MSRA: variants seen among roughly 807,000 people sequenced by gnomAD.
MSRA encodes the protein methionine sulfoxide reductase A.
In MSRA, 54 loss-of-function variants were observed where a neutral mutation model predicts 31.3. That is an observed-to-expected ratio of 1.73 (90% CI 1.39 to 2.17). The LOEUF (loss-of-function observed/expected upper bound fraction) is 2.17. Among genes scored for constraint, MSRA ranks in the 30% most tolerant of loss-of-function variants. The pLI is 0.00. For synonymous variants in MSRA, 169 were observed against 116.5 expected, an observed-to-expected ratio of 1.45 and a Z score of -2.90; for missense variants, 507 against 300.9, an observed-to-expected ratio of 1.69 and a Z score of -5.07.
At chr8:10,424,022 T>C (rs1808975904) in intron 5 of MSRA, among the ~76,000 whole-genome samples, 1 of 152,200 alleles carries the variant, frequency 6.6e-6, no homozygotes, top group Admixed American at 6.5e-5. Flanking sequence ...AGAAGGGTTT[T>C]TGTAATGCAG....
chr8:10,256,278 C>T (rs1798174491), intron 3 of MSRA, among the ~76,000 whole-genome samples: 1 of 152,130 alleles, frequency 6.6e-6, no homozygotes, highest in Non-Finnish European at 1.5e-5. Context: ...AAGTTTCCAC[C>T]CTGTCTTTTC....
At chr8:10,424,580 C>G (rs1336730718) in intron 5 of MSRA, among the ~76,000 whole-genome samples, 1 of 148,532 alleles carries the variant, frequency 6.7e-6, no homozygotes, top group Non-Finnish European at 1.5e-5. Flanking sequence ...GGAGAAGGGC[C>G]TGGGGTGGAG....
intron 1 of MSRA, among the ~76,000 whole-genome samples, chr8:10,126,215 A>T (rs1801484669): frequency 6.6e-6 from 1 of 152,258 alleles, no homozygotes; most frequent in African/African-American, 2.4e-5. Context: ...TTGAAGCCAG[A>T]CAACGTGAAA....
chr8:10,142,078 A>G (rs1257540464), intron 1 of MSRA, among the ~76,000 whole-genome samples: 3 of 152,060 alleles, frequency 2.0e-5, no homozygotes, highest in Non-Finnish European at 4.4e-5. Flanking sequence ...CCTGTCTCAG[A>G]CTGCCGAGTA....
At chr8:10,208,082 A>G (rs1440396781) in intron 2 of MSRA, among the ~76,000 whole-genome samples, 181 bp downstream of exon 2, 4 of 152,210 alleles carry the variant, frequency 2.6e-5, no homozygotes, top group Non-Finnish European at 4.4e-5. Context: ...AGCTTATTCT[A>G]TAGAATTTAG....
At chr8:10,272,152 T>A (rs1381371194) in intron 3 of MSRA, among the ~76,000 whole-genome samples, 1 of 152,234 alleles carries the variant, frequency 6.6e-6, no homozygotes, top group Non-Finnish European at 1.5e-5. Flanking sequence ...TCCCTTCACT[T>A]TGTTCTTTGT....
At chr8:10,069,563 C>T (rs1411904349) in intron 1 of MSRA, among the ~76,000 whole-genome samples, 2 of 152,240 alleles carry the variant, frequency 1.3e-5, no homozygotes, top group Non-Finnish European at 2.9e-5. Flanking sequence ...CTGTTCTCTG[C>T]TTCAAAGATG....
intron 2 of MSRA, among the ~76,000 whole-genome samples, chr8:10,213,162 A>C (rs1316114097): frequency 6.6e-6 from 1 of 152,098 alleles, no homozygotes; most frequent in East Asian, 1.9e-4. Context: ...TTTTGCATCC[A>C]TTAACGATCC....
At chr8:10,056,843 G>C (rs374230869) in intron 1 of MSRA, among the ~76,000 whole-genome samples, 9 of 152,092 alleles carry the variant, frequency 5.9e-5, no homozygotes, top group Admixed American at 5.2e-4. Flanking sequence ...ATCCATGTCT[G>C]TTCTTATTTG....
intron 1 of MSRA, among the ~76,000 whole-genome samples, chr8:10,163,875 C>T (rs948676693): frequency 1.3e-5 from 2 of 152,222 alleles, no homozygotes; most frequent in African/African-American, 4.8e-5. Context: ...TTGCCCCAGT[C>T]GGCATTGTCG....
At chr8:10,383,213 G>C (rs143036961) in intron 5 of MSRA, among the ~76,000 whole-genome samples, 1 of 152,212 alleles carries the variant, frequency 6.6e-6, no homozygotes, top group Non-Finnish European at 1.5e-5. Context: ...AGAGGGCAAT[G>C]TGCAGGCTTC....
chr8:10,087,148 G>T (rs1417747243), intron 1 of MSRA, among the ~76,000 whole-genome samples: 1 of 152,158 alleles, frequency 6.6e-6, no homozygotes, highest in East Asian at 1.9e-4. Flanking sequence ...TAAACATCTT[G>T]AGGGTTGGAG....
intron 1 of MSRA, among the ~76,000 whole-genome samples, chr8:10,159,185 T>A (rs140959341): frequency 3.5e-4 from 53 of 152,228 alleles, no homozygotes; most frequent in Non-Finnish European, 6.6e-4. Context: ...TCCGTAAGAA[T>A]TTGTGATTGG....
intron 2 of MSRA, among the ~76,000 whole-genome samples, chr8:10,212,509 C>A (rs913807102): frequency 2.0e-5 from 3 of 152,160 alleles, no homozygotes; most frequent in South Asian, 2.1e-4. Context: ...CACATCCACA[C>A]TAGTAGTTAC....
intron 5 of MSRA, among the ~76,000 whole-genome samples, chr8:10,324,485 G>T (rs1330923791): frequency 6.6e-6 from 1 of 152,156 alleles, no homozygotes; most frequent in Non-Finnish European, 1.5e-5. Flanking sequence ...GCTGCACCGG[G>T]AGCTGCTCTC....
intron 3 of MSRA, among the ~76,000 whole-genome samples, chr8:10,281,190 G>GA (rs1242320021): frequency 1.3e-5 from 2 of 152,130 alleles, no homozygotes; most frequent in African/African-American, 4.8e-5. Flanking sequence ...TGTTACCAGA[G>GA]AAAAAAGCAT....
rs541559211 is a variant in MSRA at position 10,278,909 on chromosome 8, C to T, written c.332-22625C>T. Among the ~76,000 whole-genome samples, 10 of 152,266 alleles carry T rather than the reference C, an allele frequency of 6.6e-5. No individual in the cohort carries two copies. In the East Asian group the frequency reaches 1.7e-3, roughly 26 times the overall value. On this transcript the variant is annotated intron_variant, in intron 3 of 5. Transcript: ENST00000317173. ...TTTTTGGAGCTGTAAGTCTTACTGG[C>T]ACCATGTAGGTGGTAGTCAGGACAG... is the stretch of plus-strand genomic sequence containing the variant.
At chr8:10,149,463 T>C (rs1803467003) in intron 1 of MSRA, among the ~76,000 whole-genome samples, 1 of 152,218 alleles carries the variant, frequency 6.6e-6, no homozygotes, top group African/African-American at 2.4e-5. Context: ...CTGCCCTCCC[T>C]GCCCAGGCCC....
At chr8:10,211,431 G>T (rs1250214020) in intron 2 of MSRA, among the ~76,000 whole-genome samples, 1 of 152,080 alleles carries the variant, frequency 6.6e-6, no homozygotes, top group Non-Finnish European at 1.5e-5. Context: ...CAATGAGAAC[G>T]AAGGTAATAG....
Sources: allele counts gnomAD v4.1 joint callset (sites outside exome capture counted in the v4.1 genomes callset), GRCh38; gene constraint gnomAD v4.1.1; transcripts MANE v1.5; gene names NCBI Gene and HGNC (gene_info 2026-07-23, HGNC 2026-07-21).